The following FTCDNL1 variants were observed in gnomAD, a reference collection of about 807,000 sequenced individuals.
FTCDNL1 encodes formiminotransferase N-terminal subdomain-containing protein.
A neutral mutation model predicts 5.9 loss-of-function variants in FTCDNL1; 11 were observed. That is an observed-to-expected ratio of 1.87 (90% CI 1.18 to 3.10). FTCDNL1 has a LOEUF of 3.10. Ranked by LOEUF, FTCDNL1 falls within the 30% of genes most tolerant of loss-of-function variation. FTCDNL1 has a pLI of 0.00. For missense variants in FTCDNL1, 115 were observed against 65.5 expected (o/e 1.76, Z -2.61); for synonymous variants, 58 against 24.8 (o/e 2.34, Z -3.99).
the FTCDNL1 span, among the ~76,000 whole-genome samples, chr2:199,683,428 T>C: frequency 6.6e-6 from 1 of 152,102 alleles, no homozygotes; most frequent in Non-Finnish European, 1.5e-5. Flanking sequence ...TATTTCCAAG[T>C]AAATCCAATT....
At chr2:199,849,054 G>A in intron 1 of FTCDNL1, 85 bp from the exon 2 acceptor site, 1 of 646,804 alleles carries the variant, frequency 1.5e-6, no homozygotes, top group East Asian at 2.7e-5. Flanking sequence ...TAACTTTTTG[G>A]AAACGAAGCA....
At chr2:199,778,863 A>G (rs531267410) in intron 3 of FTCDNL1, among the ~76,000 whole-genome samples, 38 of 152,322 alleles carry the variant, frequency 2.5e-4, no homozygotes, top group African/African-American at 8.4e-4. Flanking sequence ...CAGGCAAAGG[A>G]TATTTACTGA....
At chr2:199,751,721 A>T in the FTCDNL1 span, among the ~76,000 whole-genome samples, 10 of 125,008 alleles carry the variant, frequency 8.0e-5, no homozygotes, top group African/African-American at 2.9e-4. Context: ...TGTTCCTGCC[A>T]GTTTAAGCAA....
intron 3 of FTCDNL1, chr2:199,785,552 T>G (rs953314313): frequency 9.2e-5 from 14 of 152,168 alleles, no homozygotes; most frequent in African/African-American, 3.4e-4. Context: ...TCCAAATTCT[T>G]AAGTTGTAGT....
chr2:199,778,991 G>A (rs987560624), intron 3 of FTCDNL1, among the ~76,000 whole-genome samples: 11 of 152,126 alleles, frequency 7.2e-5, no homozygotes, highest in South Asian at 2.1e-4. Flanking sequence ...ACACTCAGTC[G>A]TATCTTTTTC....
chr2:199,686,774 T>A, the FTCDNL1 span, among the ~76,000 whole-genome samples: 1 of 152,174 alleles, frequency 6.6e-6, no homozygotes, highest in Non-Finnish European at 1.5e-5. Context: ...GGTTATTACA[T>A]AGATAACAAA....
chr2:199,694,015 CAG>C, the FTCDNL1 span, among the ~76,000 whole-genome samples: 2 of 152,142 alleles, frequency 1.3e-5, no homozygotes, highest in Non-Finnish European at 2.9e-5. Context: ...GGCCTGACAG[CAG>C]AGAGAGGTAA....
At chr2:199,830,780 A>C (rs1031393257) in intron 3 of FTCDNL1, among the ~76,000 whole-genome samples, 3 of 152,184 alleles carry the variant, frequency 2.0e-5, no homozygotes, top group African/African-American at 7.2e-5. Flanking sequence ...GAGATACAGA[A>C]ATTTATTGTG....
exon 4 of FTCDNL1, chr2:199,760,713 T>G: frequency 1.4e-6 from 1 of 690,840 alleles, no homozygotes. Context: ...TAAATGGTAC[T>G]GTGTGTTGGT....
intron 3 of FTCDNL1, among the ~76,000 whole-genome samples, chr2:199,781,316 T>G (rs1699349968): frequency 6.6e-6 from 1 of 152,248 alleles, no homozygotes; most frequent in African/African-American, 2.4e-5. Flanking sequence ...TCAGGCTCTG[T>G]GCTTCCTTCC....
At chr2:199,760,802 A>T in exon 4 of FTCDNL1, 1 of 702,360 alleles carries the variant, frequency 1.4e-6, no homozygotes, top group Non-Finnish European at 2.6e-6. Context: ...ACCTCGCAAC[A>T]GCACTTGCCT....
chr2:199,807,091 G>A (rs1031137084), downstream of FTCDNL1, among the ~76,000 whole-genome samples: 3 of 152,142 alleles, frequency 2.0e-5, no homozygotes, highest in African/African-American at 7.2e-5. Context: ...TATGGGTCGG[G>A]GTATTTGTTA....
At chr2:199,808,291 C>A (rs1282024136), downstream of FTCDNL1, among the ~76,000 whole-genome samples, 1 of 152,180 alleles carries the variant, frequency 6.6e-6, no homozygotes, top group Non-Finnish European at 1.5e-5. Context: ...TGGACTAAGA[C>A]AATGGACTTA....
chr2:199,778,564 G>A (rs1247086019), intron 3 of FTCDNL1, among the ~76,000 whole-genome samples: 1 of 152,122 alleles, frequency 6.6e-6, no homozygotes, highest in African/African-American at 2.4e-5. Flanking sequence ...CCAGCAGGGT[G>A]GTGAGCTCAG....
rs1276782661 is a variant in FTCDNL1 at position 199,809,999 on chromosome 2, T to C, written c.*2706A>G. Among the ~76,000 whole-genome samples, 1 of 152,152 alleles carries C rather than the reference T, an allele frequency of 6.6e-6. No homozygotes were observed. The highest frequency in any genetic ancestry group is 2.4e-5 in the African/African-American group (1 of 41,438). On this transcript the variant is annotated 3_prime_UTR_variant, in exon 5 of 5. Transcript: ENST00000420128. ...TTCCATAACAAAAGTATTTAGGCTA[T>C]AATCAGGTAACTTTATCTACTCTAA... is the stretch of plus-strand genomic sequence containing the variant.
chr2:199,780,831 T>C lies in FTCDNL1; in HGVS notation c.212-19996A>G, dbSNP rs536554232. 3.9e-5 allele frequency among the ~76,000 whole-genome samples: 6 copies of C among 152,356 alleles called. No individual in the cohort carries two copies. In the South Asian group the frequency reaches 1.2e-3, roughly 32 times the overall value. On this transcript the variant is annotated intron_variant, in intron 3 of 3. Coordinates refer to the FTCDNL1 transcript ENST00000416668. ...CATTAAGTACCAGCTCCTCTGCCCT[T>C]TCCTGGTGTGACCAGGATCAAATGT...
At chr2:199,797,626 C>G (rs538532731) in intron 3 of FTCDNL1, among the ~76,000 whole-genome samples, 2 of 152,294 alleles carry the variant, frequency 1.3e-5, no homozygotes, top group South Asian at 4.1e-4. Context: ...TGGAGACTGT[C>G]TTTTATTGAT....
intron 3 of FTCDNL1, among the ~76,000 whole-genome samples, chr2:199,769,312 G>A (rs1040326457): frequency 6.6e-6 from 1 of 152,166 alleles, no homozygotes; most frequent in African/African-American, 2.4e-5. Context: ...GCCAGGCGGA[G>A]ATAATTGAAT....
At chr2:199,738,620 A>G in the FTCDNL1 span, among the ~76,000 whole-genome samples, 1 of 152,180 alleles carries the variant, frequency 6.6e-6, no homozygotes, top group Non-Finnish European at 1.5e-5. Flanking sequence ...TGTGATACAC[A>G]ATTCAAGGTC....
Sources: gnomAD v4.1 joint callset for allele counts (sites outside exome capture counted in the v4.1 genomes callset) on GRCh38, gnomAD v4.1.1 for gene constraint, MANE v1.5 for transcripts, NCBI Gene and HGNC (gene_info 2026-07-23, HGNC 2026-07-21) for gene names.